The following ROBO2 variants were observed in gnomAD, a reference collection of about 807,000 sequenced individuals.
The protein encoded by ROBO2 is roundabout guidance receptor 2, also known as roundabout homolog 2.
ROBO2 carries 53 observed loss-of-function variants against 160.8 expected under a neutral mutation model. That is an observed-to-expected ratio of 0.33 (90% CI 0.26 to 0.41). The LOEUF is 0.41. Among genes scored for constraint, ROBO2 ranks in the 10% least tolerant of loss-of-function variants. The probability of loss-of-function intolerance (pLI) is 1.00; values close to 1 mark genes in which losing one functional copy is unlikely to be tolerated. For missense variants in ROBO2, 1,577 were observed against 1,722.4 expected (o/e 0.92, Z 1.49); for synonymous variants, 664 against 611.7 (o/e 1.09, Z -1.26).
At chr3:75,912,482 G>C (rs1946638492) in intron 1 of ROBO2, among the ~76,000 whole-genome samples, 1 of 152,132 alleles carries the variant, frequency 6.6e-6, no homozygotes, top group Non-Finnish European at 1.5e-5. Context: ...TGATTCAGTT[G>C]GTGGAAGATA....
At chr3:77,017,774 C>G (rs182050260) in intron 2 of ROBO2, among the ~76,000 whole-genome samples, 20 of 151,764 alleles carry the variant, frequency 1.3e-4, no homozygotes, top group African/African-American at 4.8e-4. Flanking sequence ...GACCTGCACC[C>G]TAATTTGTAA....
intron 2 of ROBO2, among the ~76,000 whole-genome samples, chr3:76,008,936 A>AAGTATGATTGAACAGAGGG (rs1362754775): frequency 3.3e-5 from 5 of 152,124 alleles, no homozygotes; most frequent in Admixed American, 6.5e-5. Context: ...AGTCATGAGG[A>AAGTATGATTGAACAGAGGG]AGTATGATTG....
chr3:76,318,607 G>A (rs533776532), intron 2 of ROBO2, among the ~76,000 whole-genome samples: 1 of 152,184 alleles, frequency 6.6e-6, no homozygotes, highest in East Asian at 1.9e-4. Context: ...TGGGGTTCAT[G>A]AATGCATAGT....
chr3:76,524,885 T>C (rs1440509004), intron 2 of ROBO2, among the ~76,000 whole-genome samples: 1 of 44,204 alleles, frequency 2.3e-5, no homozygotes, highest in African/African-American at 7.1e-5. Flanking sequence ...ATCAGATACA[T>C]CAAATAAATG....
chr3:76,030,134 T>C (rs1305378586), intron 2 of ROBO2, among the ~76,000 whole-genome samples: 5 of 152,244 alleles, frequency 3.3e-5, no homozygotes, highest in Non-Finnish European at 7.3e-5. Context: ...GAGCATTTTT[T>C]CATGTGTCTG....
At chr3:77,319,823 A>G (rs754672223) in intron 2 of ROBO2, among the ~76,000 whole-genome samples, 25 of 152,278 alleles carry the variant, frequency 1.6e-4, no homozygotes, top group Admixed American at 2.6e-4. Flanking sequence ...TTGAAAATGC[A>G]CTTAGAAACT....
intron 2 of ROBO2, among the ~76,000 whole-genome samples, chr3:76,788,592 A>G (rs986148044): frequency 6.6e-6 from 1 of 151,576 alleles, no homozygotes; most frequent in Non-Finnish European, 1.5e-5. Context: ...CTGTGAAATT[A>G]CTTTTTAGCA....
intron 2 of ROBO2, among the ~76,000 whole-genome samples, chr3:76,417,412 A>C (rs942501487): frequency 4.6e-5 from 7 of 152,326 alleles, no homozygotes; most frequent in African/African-American, 1.7e-4. Context: ...AACAAGATAA[A>C]TGAACAAACA....
chr3:75,960,776 C>G (rs1296643035), intron 2 of ROBO2, among the ~76,000 whole-genome samples: 1 of 151,508 alleles, frequency 6.6e-6, no homozygotes, highest in African/African-American at 2.4e-5. Flanking sequence ...TCACCTGACA[C>G]TTTATGCCTT....
intron 2 of ROBO2, among the ~76,000 whole-genome samples, chr3:77,333,450 A>G (rs2066181520): frequency 6.6e-6 from 1 of 152,238 alleles, no homozygotes; most frequent in African/African-American, 2.4e-5. Context: ...CTTTTAAGTG[A>G]AAAGATCTAT....
chr3:76,871,553 C>CAAAAAAA (rs553069391), intron 2 of ROBO2, among the ~76,000 whole-genome samples: 1 of 84,562 alleles, frequency 1.2e-5, no homozygotes, highest in African/African-American at 4.1e-5. Flanking sequence ...GACTCCGTCT[C>CAAAAAAA]AAAAAAAGAA....
intron 2 of ROBO2, among the ~76,000 whole-genome samples, chr3:76,825,078 C>T (rs1165213704): frequency 6.6e-6 from 1 of 152,190 alleles, no homozygotes; most frequent in Non-Finnish European, 1.5e-5. Flanking sequence ...CAATGGCAGT[C>T]ATGCCCTAGG....
intron 2 of ROBO2, among the ~76,000 whole-genome samples, chr3:77,306,813 T>A (rs1182422740): frequency 6.6e-6 from 1 of 152,204 alleles, no homozygotes; most frequent in African/African-American, 2.4e-5. Context: ...TGCAGTGAAC[T>A]GGACAATCAT....
chr3:76,148,062 A>G (rs1055029747), intron 2 of ROBO2, among the ~76,000 whole-genome samples: 1 of 152,030 alleles, frequency 6.6e-6, no homozygotes, highest in African/African-American at 2.4e-5. Flanking sequence ...CTAATGATTA[A>G]TGCTGAGTGT....
chr3:76,172,894 C>T (rs964986560), intron 2 of ROBO2, among the ~76,000 whole-genome samples: 1 of 151,956 alleles, frequency 6.6e-6, no homozygotes, highest in African/African-American at 2.4e-5. Context: ...GTGCAAACTG[C>T]AGTTGAGAAA....
chr3:77,179,309 C>A (rs781251645), intron 2 of ROBO2, among the ~76,000 whole-genome samples: 3 of 150,204 alleles, frequency 2.0e-5, no homozygotes, highest in African/African-American at 2.4e-5. Flanking sequence ...TCCTAATAAG[C>A]CTGCAAAAAA....
chr3:77,217,228 T>C (rs1485194805), intron 2 of ROBO2, among the ~76,000 whole-genome samples: 1 of 152,032 alleles, frequency 6.6e-6, no homozygotes, highest in Non-Finnish European at 1.5e-5. Context: ...CTGCAACCTC[T>C]GCCTCCTGGG....
intron 2 of ROBO2, among the ~76,000 whole-genome samples, chr3:76,677,990 G>A (rs1262555154): frequency 2.2e-4 from 6 of 27,526 alleles, no homozygotes; most frequent in African/African-American, 9.3e-4. Context: ...TTTTTTTTGA[G>A]ATAGAGTCTT....
chr3:75,995,548 T>G (rs1269311384), intron 2 of ROBO2, among the ~76,000 whole-genome samples: 1 of 152,134 alleles, frequency 6.6e-6, no homozygotes. Flanking sequence ...CATGGAGAAC[T>G]TCTGCTAGGG....
Sources: gnomAD v4.1 joint callset for allele counts (sites outside exome capture counted in the v4.1 genomes callset) on GRCh38, gnomAD v4.1.1 for gene constraint, MANE v1.5 for transcripts, NCBI Gene and HGNC (gene_info 2026-07-23, HGNC 2026-07-21) for gene names.